The following CHST9 variants were observed in gnomAD, a reference collection of about 807,000 sequenced individuals.
The protein encoded by CHST9 is GalNAc-4-sulfotransferase 2.
In CHST9, 41 loss-of-function variants were observed where a neutral mutation model predicts 44.4. The ratio of observed to expected loss-of-function variants is 0.92; its 90% confidence interval spans 0.72 to 1.20. CHST9 has a LOEUF of 1.20. Ranked by LOEUF, CHST9 falls within the 50% of genes most tolerant of loss-of-function variation. The pLI, the probability that CHST9 is intolerant of heterozygous loss-of-function variation, is 0.00. For synonymous variants in CHST9, 171 were observed against 178.4 expected, an observed-to-expected ratio of 0.96 and a Z score of 0.33; for missense variants, 504 against 516.5, an observed-to-expected ratio of 0.98 and a Z score of 0.23.
chr18:26,998,739 C>A (rs373599059), intron 4 of CHST9, among the ~76,000 whole-genome samples: 175 of 113,802 alleles, frequency 1.5e-3, no homozygotes, highest in Middle Eastern at 5.6e-3. Context: ...ACAACAACAA[C>A]AAAAAAAAAA....
chr18:27,032,692 T>G (rs1256373375), intron 3 of CHST9, among the ~76,000 whole-genome samples: 1 of 152,246 alleles, frequency 6.6e-6, no homozygotes, highest in Non-Finnish European at 1.5e-5. Context: ...TAAAATGTAT[T>G]GTGAGCATAC....
At chr18:26,994,883 C>T (rs1285823979) in intron 4 of CHST9, among the ~76,000 whole-genome samples, 1 of 152,050 alleles carries the variant, frequency 6.6e-6, no homozygotes, top group Non-Finnish European at 1.5e-5. Context: ...GCCATTGTGC[C>T]TGGCCTGGAT....
At chr18:27,111,042 AC>A (rs1046254781) in intron 2 of CHST9, among the ~76,000 whole-genome samples, 2 of 152,238 alleles carry the variant, frequency 1.3e-5, no homozygotes, top group African/African-American at 4.8e-5. Flanking sequence ...TGGCTTCTCC[AC>A]CATCTCTTGT....
intron 2 of CHST9, among the ~76,000 whole-genome samples, chr18:27,123,654 T>C (rs1345787753): frequency 6.6e-6 from 1 of 152,222 alleles, no homozygotes; most frequent in Non-Finnish European, 1.5e-5. Flanking sequence ...GTTCTTAGAA[T>C]TGCTGGTGAG....
rs1447167371 is a variant in CHST9, at chr18:27,104,405, GA to G, written c.121+38283del. ...TTTGCATGGGTAGAAATTTTTTTCAGAAGTTGTTACTTTTGTTTTCTGTGAC... is the reference window on the plus strand; with the variant it reads ...TTTGCATGGGTAGAAATTTTTTTCAGAGTTGTTACTTTTGTTTTCTGTGAC... On this transcript the variant is annotated intron_variant, in intron 2 of 5. Transcript: ENST00000618847. Among the ~76,000 whole-genome samples, 3 of 152,262 alleles carry G rather than the reference GA, an allele frequency of 2.0e-5. No individual in the cohort carries two copies. In the East Asian group the frequency reaches 5.8e-4, roughly 29 times the overall value.
intron 2 of CHST9, among the ~76,000 whole-genome samples, chr18:27,086,118 G>A (rs2058009878): frequency 6.6e-6 from 1 of 152,090 alleles, no homozygotes; most frequent in Admixed American, 6.6e-5. Flanking sequence ...CCTACTTGAG[G>A]GTGGAGGGTG....
At chr18:27,117,132 C>A (rs1291448137) in intron 2 of CHST9, among the ~76,000 whole-genome samples, 1 of 151,588 alleles carries the variant, frequency 6.6e-6, no homozygotes, top group Non-Finnish European at 1.5e-5. Context: ...AATAATGAAG[C>A]AATATATAAG....
At chr18:26,991,671 C>G (rs1248003150) in intron 4 of CHST9, among the ~76,000 whole-genome samples, 1 of 130,712 alleles carries the variant, frequency 7.7e-6, no homozygotes, top group African/African-American at 2.6e-5. Flanking sequence ...GAAGCACCTG[C>G]CAGTGAAAGC....
chr18:26,961,535 TC>T (rs2056400215), intron 4 of CHST9, among the ~76,000 whole-genome samples: 1 of 151,772 alleles, frequency 6.6e-6, no homozygotes, highest in African/African-American at 2.4e-5. Flanking sequence ...GCTCAGACAA[TC>T]CCTCCAATTC....
chr18:26,931,628 G>T (rs1272791987), intron 5 of CHST9, among the ~76,000 whole-genome samples: 1 of 152,078 alleles, frequency 6.6e-6, no homozygotes, highest in Non-Finnish European at 1.5e-5. Flanking sequence ...TTATTTCAAC[G>T]GGCAAGGAAA....
chr18:27,176,277 T>G (rs1265449566), intron 1 of CHST9, among the ~76,000 whole-genome samples: 1 of 152,016 alleles, frequency 6.6e-6, no homozygotes, highest in African/African-American at 2.4e-5. Context: ...ATATTTGCAT[T>G]TTGAATGCAA....
chr18:27,088,032 C>A (rs976071473), intron 2 of CHST9, among the ~76,000 whole-genome samples: 1 of 152,160 alleles, frequency 6.6e-6, no homozygotes. Flanking sequence ...TTTTTGGAGA[C>A]CTATTTGTGT....
chr18:27,122,964 G>A lies in CHST9; in HGVS notation c.121+19725C>T, dbSNP rs142289607. On this transcript the variant is annotated intron_variant, in intron 2 of 5. Coordinates refer to ENST00000618847, the MANE Select transcript of CHST9 (RefSeq NM_031422.6). ...TTCCTCATGGTTTAGGTGAGGAGAC[G>A]CATCTGTGTGGACTGAGGGCCTTGG... Among the ~76,000 whole-genome samples the A allele has an allele frequency of 8.0e-4, 122 of 152,286 alleles. 1 individual carries two copies. The highest frequency in any genetic ancestry group is 6.6e-3 in the East Asian group (34 of 5,182).
At chr18:26,923,655 T>A (rs1360954019) in intron 5 of CHST9, among the ~76,000 whole-genome samples, 1 of 152,214 alleles carries the variant, frequency 6.6e-6, no homozygotes, top group African/African-American at 2.4e-5. Flanking sequence ...TACTACTGTA[T>A]GTTGTTTTAA....
chr18:27,164,433 T>C (rs532628732), intron 1 of CHST9, among the ~76,000 whole-genome samples: 1 of 148,730 alleles, frequency 6.7e-6, no homozygotes, highest in African/African-American at 2.5e-5. Flanking sequence ...AAAAAAAAGA[T>C]GGAAAATTGA....
intron 1 of CHST9, among the ~76,000 whole-genome samples, chr18:27,155,086 T>TAAAAAA (rs145704285): frequency 3.7e-5 from 4 of 108,756 alleles, no homozygotes; most frequent in African/African-American, 6.4e-5. Flanking sequence ...TTTCAAAAGT[T>TAAAAAA]AAAAAAAAAA....
chr18:27,133,630 G>A (rs2058490544), intron 2 of CHST9, among the ~76,000 whole-genome samples: 1 of 152,182 alleles, frequency 6.6e-6, no homozygotes. Context: ...GGGAGATGCA[G>A]AGCATATGTA....
chr18:26,941,068 G>A (rs2056075390), intron 5 of CHST9, among the ~76,000 whole-genome samples: 4 of 152,180 alleles, frequency 2.6e-5, no homozygotes, highest in Admixed American at 2.6e-4. Flanking sequence ...CCCGTATTTT[G>A]TATGTGAGAC....
intron 2 of CHST9, among the ~76,000 whole-genome samples, chr18:27,055,937 CGT>C (rs35128328): frequency 1.0e-3 from 153 of 147,316 alleles, no homozygotes; most frequent in African/African-American, 2.5e-3. Flanking sequence ...TTCTCTCTTT[CGT>C]GTGTGTGTGT....
Sources: gnomAD v4.1 joint callset for allele counts (sites outside exome capture counted in the v4.1 genomes callset) on GRCh38, gnomAD v4.1.1 for gene constraint, MANE v1.5 for transcripts, NCBI Gene and HGNC (gene_info 2026-07-23, HGNC 2026-07-21) for gene names.